LRFN5: variants seen among roughly 807,000 people sequenced by gnomAD.
The protein encoded by LRFN5 is leucine rich repeat and fibronectin type III domain containing 5.
In LRFN5, 24 loss-of-function variants were observed where a neutral mutation model predicts 45.6. That is an observed-to-expected ratio of 0.53 (90% CI 0.38 to 0.74). LRFN5 has a LOEUF of 0.74. Ranked by LOEUF, LRFN5 falls within the 30% of genes least tolerant of loss-of-function variation. The probability of loss-of-function intolerance (pLI) is 0.00; values close to 1 mark genes in which losing one functional copy is unlikely to be tolerated. For synonymous variants in LRFN5, 340 were observed against 313.8 expected (o/e 1.08, Z -0.88); for missense variants, 776 against 861.5 (o/e 0.90, Z 1.24).
rs144979092 is a variant in LRFN5, at chr14:41,885,582, C to T, written c.-20-1024C>T. Among the ~76,000 whole-genome samples the T allele has an allele frequency of 3.7e-3, 559 of 152,170 alleles. 3 individuals are homozygous for T. Among genetic ancestry groups the T allele is most frequent in the African/African-American group, 0.013 (523 of 41,528 alleles). ...ACATACTGTTAAGTGAAAGCACTGA[C>T]GGCTGCTTCCCAGAAATTATCTTTA... is the stretch of plus-strand genomic sequence containing the variant. On this transcript the variant is annotated intron_variant, in intron 2 of 5. Coordinates refer to ENST00000298119, the MANE Select transcript of LRFN5 (RefSeq NM_152447.5).
chr14:41,817,781 G>A (rs575149165), intron 2 of LRFN5, among the ~76,000 whole-genome samples: 1 of 152,228 alleles, frequency 6.6e-6, no homozygotes, highest in South Asian at 2.1e-4. Flanking sequence ...AAATACAAAA[G>A]GGTAAGGGCC....
chr14:41,778,405 TG>T (rs1886368452), intron 2 of LRFN5, among the ~76,000 whole-genome samples: 1 of 151,712 alleles, frequency 6.6e-6, no homozygotes, highest in Non-Finnish European at 1.5e-5. Context: ...TAAAGTACTT[TG>T]GGGACTATTT....
intron 2 of LRFN5, among the ~76,000 whole-genome samples, chr14:41,828,715 T>C (rs550193568): frequency 1.3e-5 from 2 of 152,128 alleles, no homozygotes; most frequent in South Asian, 4.1e-4. Context: ...CAAGCTTCTA[T>C]TGTCAACACT....
chr14:41,806,403 T>G (rs2138980439), intron 2 of LRFN5, among the ~76,000 whole-genome samples: 1 of 152,244 alleles, frequency 6.6e-6, no homozygotes, highest in Middle Eastern at 3.4e-3. Context: ...AGATGGATAG[T>G]CAATTGCTAT....
intron 1 of LRFN5, among the ~76,000 whole-genome samples, chr14:41,689,084 GAACCCATCTC>G (rs1358558986): frequency 6.7e-6 from 1 of 150,184 alleles, no homozygotes; most frequent in African/African-American, 2.5e-5. Flanking sequence ...AACAGAGTGA[GAACCCATCTC>G]TAAAATAATA....
At chr14:41,656,339 A>G (rs1397901450) in intron 1 of LRFN5, among the ~76,000 whole-genome samples, 1 of 151,954 alleles carries the variant, frequency 6.6e-6, no homozygotes, top group East Asian at 1.9e-4. Flanking sequence ...AATCCTACCC[A>G]CTTAAAGGCA....
At chr14:41,784,467 T>G (rs1434400511) in intron 2 of LRFN5, among the ~76,000 whole-genome samples, 1 of 152,134 alleles carries the variant, frequency 6.6e-6, no homozygotes, top group African/African-American at 2.4e-5. Flanking sequence ...CCTTCCTCTT[T>G]GTCTTTCTTG....
intron 2 of LRFN5, among the ~76,000 whole-genome samples, chr14:41,796,086 A>G (rs1222784709): frequency 6.6e-6 from 1 of 152,008 alleles, no homozygotes. Context: ...AAAATCAATA[A>G]AAGTTTTTTC....
At chr14:41,691,655 G>A (rs867892351) in intron 1 of LRFN5, among the ~76,000 whole-genome samples, 1 of 151,988 alleles carries the variant, frequency 6.6e-6, no homozygotes. Flanking sequence ...TAAATGATGA[G>A]TTTGGCGATT....
chr14:41,874,309 G>A lies in LRFN5; in HGVS notation c.-20-12297G>A, dbSNP rs192757215. On this transcript the variant is annotated intron_variant, in intron 2 of 5. Transcript: ENST00000298119. ...CTTAGATACCTAATAATGTTTTCTG[G>A]CCTTCACTGAGATTCAGATTCCTCA... Among the ~76,000 whole-genome samples the A allele has an allele frequency of 5.8e-4, 88 of 152,192 alleles. 2 individuals are homozygous for A. In the East Asian group the frequency reaches 0.014, roughly 25 times the overall value.
At chr14:41,673,695 G>C (rs1306835352) in intron 1 of LRFN5, among the ~76,000 whole-genome samples, 2 of 141,228 alleles carry the variant, frequency 1.4e-5, no homozygotes, top group African/African-American at 5.3e-5. Context: ...CTCCCTCCTG[G>C]ATGGGGTGGC....
intron 1 of LRFN5, among the ~76,000 whole-genome samples, chr14:41,665,718 T>C (rs1375633426): frequency 6.6e-6 from 1 of 151,994 alleles, no homozygotes; most frequent in Admixed American, 6.6e-5. Context: ...TAGGATAAAG[T>C]TAAAACTCCA....
chr14:41,857,662 A>G (rs999428844), intron 2 of LRFN5, among the ~76,000 whole-genome samples: 9 of 152,238 alleles, frequency 5.9e-5, no homozygotes, highest in Admixed American at 5.2e-4. Flanking sequence ...AAACATGCAT[A>G]ATACACATAC....
At chr14:41,773,929 A>G (rs1405711746) in intron 2 of LRFN5, among the ~76,000 whole-genome samples, 1 of 152,212 alleles carries the variant, frequency 6.6e-6, no homozygotes, top group Non-Finnish European at 1.5e-5. Flanking sequence ...CTGATACAAC[A>G]GCTACAAATG....
chr14:41,759,874 C>T (rs1003203840), intron 1 of LRFN5, among the ~76,000 whole-genome samples: 2 of 152,194 alleles, frequency 1.3e-5, no homozygotes, highest in African/African-American at 4.8e-5. Flanking sequence ...AGATTGCAGT[C>T]CTGAAACTGT....
intron 2 of LRFN5, among the ~76,000 whole-genome samples, chr14:41,767,408 A>G (rs75969004): frequency 0.011 from 1,735 of 152,264 alleles, 33 homozygotes; most frequent in African/African-American, 0.038. Flanking sequence ...TGGCTAATAA[A>G]CTATGAAAAT....
intron 2 of LRFN5, among the ~76,000 whole-genome samples, chr14:41,884,067 T>C (rs550239925): frequency 4.6e-5 from 7 of 152,184 alleles, no homozygotes; most frequent in African/African-American, 1.7e-4. Context: ...CTCTTTTTGC[T>C]AGTACACTGC....
chr14:41,679,363 G>A (rs1372655322), intron 1 of LRFN5, among the ~76,000 whole-genome samples: 8 of 151,966 alleles, frequency 5.3e-5, no homozygotes, highest in Non-Finnish European at 1.0e-4. Flanking sequence ...TTCTGCTTGA[G>A]GAGAAGTGAG....
At chr14:41,871,231 AAAT>A (rs1235611328) in intron 2 of LRFN5, among the ~76,000 whole-genome samples, 1 of 152,172 alleles carries the variant, frequency 6.6e-6, no homozygotes, top group African/African-American at 2.4e-5. Context: ...GAAAAATTAA[AAAT>A]AATCATCAAA....
Sources: allele counts gnomAD v4.1 joint callset (sites outside exome capture counted in the v4.1 genomes callset), GRCh38; gene constraint gnomAD v4.1.1; transcripts MANE v1.5; gene names NCBI Gene and HGNC (gene_info 2026-07-23, HGNC 2026-07-21).